Variants in ZNF236 observed in about 807,000 individuals in gnomAD.
ZNF236 encodes zinc finger protein 236, also known as regulated by glucose.
A neutral mutation model predicts 191.2 loss-of-function variants in ZNF236; 50 were observed. The observed-to-expected ratio is 0.26, with a 90% CI of 0.21 to 0.33. The LOEUF (loss-of-function observed/expected upper bound fraction) is 0.33, where lower values mean the gene tolerates loss of function less well. Among genes scored for constraint, ZNF236 ranks in the 10% least tolerant of loss-of-function variants. ZNF236 has a pLI of 1.00. For missense variants in ZNF236, 1,754 were observed against 2,374.5 expected (o/e 0.74, Z 5.43); for synonymous variants, 907 against 928.8 (o/e 0.98, Z 0.43).
chr18:76,845,936 G>A (rs1047225571), intron 1 of ZNF236, among the ~76,000 whole-genome samples: 4 of 152,086 alleles, frequency 2.6e-5, no homozygotes, highest in Non-Finnish European at 5.9e-5. Flanking sequence ...TTGATCACTG[G>A]TCCCCTAATG....
At chr18:76,838,189 A>G (rs1486115647) in intron 1 of ZNF236, among the ~76,000 whole-genome samples, 1 of 152,240 alleles carries the variant, frequency 6.6e-6, no homozygotes, top group Non-Finnish European at 1.5e-5. Flanking sequence ...TCTTGGGCAC[A>G]GAAGTCAGAA....
intron 13 of ZNF236, among the ~76,000 whole-genome samples, chr18:76,907,618 G>A (rs114579962): frequency 0.024 from 3,722 of 152,154 alleles, 165 homozygotes; most frequent in African/African-American, 0.084. Flanking sequence ...TGTGAGCTGC[G>A]CGCCTGGCCG....
rs757434534 is a variant in ZNF236 at position 76,927,375 on chromosome 18, C to G, written c.4272C>G (p.Leu1424=). 3 of 1,614,214 alleles carry G rather than the reference C, an allele frequency of 1.9e-6. No individual in the cohort carries two copies. Among genetic ancestry groups the G allele is most frequent in the Non-Finnish European group, 2.5e-6 (3 of 1,180,044 alleles). The part of the protein sequence containing the change: ...EPGLAPQNSS[L]QTSDSTVPAS... ...GCCTGGCCCCACAGAACAGCTCTCT[C>G]CAGACATCGGACAGCACGGTCCCTG... The change falls in exon 24 of 31, where the codon CTC becomes CTG. Residue 1424 remains leucine (L), a synonymous_variant. Coordinates refer to ENST00000320610, the MANE Select transcript of ZNF236 (RefSeq NM_001306089.2). The surrounding 1 kb of genome is among the most constrained non-coding windows in gnomAD (Gnocchi z 5.4).
At chr18:76,964,774 G>A (rs1341562630) in intron 30 of ZNF236, among the ~76,000 whole-genome samples, 1 of 152,054 alleles carries the variant, frequency 6.6e-6, no homozygotes, top group Non-Finnish European at 1.5e-5. Flanking sequence ...TTAGGATTGT[G>A]GTATTTTCCT....
Position 76,939,021 on chromosome 18 carries a change from T to C in ZNF236, c.4782+1678T>C, listed in dbSNP as rs909538239. Among the ~76,000 whole-genome samples, 15 of 152,296 alleles carry C rather than the reference T, an allele frequency of 9.8e-5. 1 individual carries two copies. Among genetic ancestry groups the C allele is most frequent in the Middle Eastern group, 6.8e-3 (2 of 294 alleles). ...TTCTAAATGTTAGCAATTCGTATCA[T>C]GTTTTAAAATTGTAGTTGGAACAAA... On this transcript the variant is annotated intron_variant, in intron 26 of 30. Transcript: ENST00000320610.
At chr18:76,924,706 A>T (rs1205345575) in intron 21 of ZNF236, among the ~76,000 whole-genome samples, 8 of 152,250 alleles carry the variant, frequency 5.3e-5, no homozygotes, top group African/African-American at 1.9e-4. Context: ...ACCCTAGCAT[A>T]GAACTTTCCT....
In ZNF236 at chr18:76,843,960, A is replaced by C. The variant is rs565948970; in HGVS notation, c.56-5566A>C. 1.4e-4 allele frequency among the ~76,000 whole-genome samples: 21 copies of C among 151,600 alleles called. 1 individual carries two copies. The highest frequency in any genetic ancestry group is 3.9e-4 in the African/African-American group (16 of 41,352). ...GGAAGAAGGTAGAAGGGAGTTTTAA[A>C]TTAAAGAAGAGGCCGGGTGCAGTGT... On this transcript the variant is annotated intron_variant, in intron 1 of 30. Coordinates refer to ENST00000320610, the MANE Select transcript of ZNF236 (RefSeq NM_001306089.2).
At chr18:76,864,582 G>C (rs919867810) in intron 3 of ZNF236, among the ~76,000 whole-genome samples, 1 of 151,708 alleles carries the variant, frequency 6.6e-6, no homozygotes, top group Non-Finnish European at 1.5e-5. Context: ...AAAAGAATAA[G>C]TAAGAATACA....
At position 76,880,249 on chromosome 18, in the gene ZNF236, C is replaced by T. The variant is rs754146907; in HGVS notation, c.1121C>T (p.Ser374Leu). ...CTCTCAGAGCCGGCGCCGGTGGAGT[C>T]GGGGCAGTCCCCGCAGCCTGGGCAG... ...LELSEPAPVESGQSPQPGQQL... is the reference protein window; with the variant it reads ...LELSEPAPVELGQSPQPGQQL... The change falls in exon 8 of 31, where the codon TCG becomes TTG. Residue 374 changes from serine (S) to leucine (L), a missense_variant. Coordinates refer to ENST00000320610, the MANE Select transcript of ZNF236 (RefSeq NM_001306089.2). This position sits in a 1 kb window ranked among gnomAD's most constrained non-coding sequence, Gnocchi z 5.0. 87 of 1,614,004 alleles carry T rather than the reference C, an allele frequency of 5.4e-5. No homozygotes were observed. Among genetic ancestry groups the T allele is most frequent in the Middle Eastern group, 1.6e-4 (1 of 6,062 alleles).
chr18:76,871,657 G>A, intron 4 of ZNF236, 44 bp from the exon 5 acceptor site: 9 of 1,609,774 alleles, frequency 5.6e-6, no homozygotes, highest in Non-Finnish European at 7.6e-6. Context: ...TATGGTACAA[G>A]GGAGACATCT....
chr18:76,890,196 A>G (rs1376502976), intron 9 of ZNF236, among the ~76,000 whole-genome samples: 2 of 152,154 alleles, frequency 1.3e-5, no homozygotes, highest in African/African-American at 4.8e-5. Flanking sequence ...AAATGTTAAC[A>G]TTTTACTACA....
chr18:76,965,541 C>T (rs1315887949), intron 30 of ZNF236, among the ~76,000 whole-genome samples: 2 of 152,154 alleles, frequency 1.3e-5, no homozygotes, highest in Admixed American at 1.3e-4. Context: ...GGTCTAGGGC[C>T]GAAGGCTGTT....
At chr18:76,867,239 T>A (rs1976444998) in intron 3 of ZNF236, among the ~76,000 whole-genome samples, 1 of 151,324 alleles carries the variant, frequency 6.6e-6, no homozygotes, top group South Asian at 2.1e-4. Context: ...TTTTTTTTTT[T>A]TTAAGAGCTG....
At chr18:76,854,740 A>T (rs557961937) in intron 3 of ZNF236, among the ~76,000 whole-genome samples, 3 of 152,140 alleles carry the variant, frequency 2.0e-5, no homozygotes, top group Non-Finnish European at 4.4e-5. Flanking sequence ...TTTCCTTAGG[A>T]TGGATTCCTA....
intron 1 of ZNF236, among the ~76,000 whole-genome samples, chr18:76,846,199 G>A (rs1457499188): frequency 1.3e-5 from 2 of 152,156 alleles, no homozygotes; most frequent in Non-Finnish European, 1.5e-5. Context: ...CAGTTCTTCT[G>A]CCTCCACCTT....
intron 9 of ZNF236, among the ~76,000 whole-genome samples, chr18:76,884,126 G>A (rs1259170030): frequency 6.6e-6 from 1 of 152,170 alleles, no homozygotes; most frequent in Non-Finnish European, 1.5e-5. Context: ...TTATGACCAG[G>A]TGCAGTGGCT....
chr18:76,868,778 C>T lies in ZNF236; in HGVS notation c.457C>T (p.Arg153Trp), dbSNP rs375463473. Residue 153 changes from arginine (R) to tryptophan (W), a missense_variant, in exon 4 of 31, where the codon CGG becomes TGG. Physicochemically the swap from Arg to Trp is moderately radical, Grantham distance 101 (BLOSUM62 -3). Around this residue, in one of 5 missense-constraint regions of ZNF236, gnomAD observed 336 missense variants for 495.1 expected, o/e 0.68. Coordinates refer to ENST00000320610, the MANE Select transcript of ZNF236 (RefSeq NM_001306089.2). ...EEHRQELAGT[R>W]QHACKACKKE... ...GCACCGCCAGGAGCTGGCTGGAACC[C>T]GGCAGCATGCCTGCAAGGCCTGCAA... 16 of 1,613,914 alleles carry T rather than the reference C, an allele frequency of 9.9e-6. No individual in the cohort carries two copies. The highest frequency in any genetic ancestry group is 1.7e-4 in the Middle Eastern group (1 of 6,058).
chr18:76,877,771 A>G (rs1045938177), intron 6 of ZNF236, among the ~76,000 whole-genome samples: 3 of 152,212 alleles, frequency 2.0e-5, no homozygotes, highest in Non-Finnish European at 4.4e-5. Context: ...ACTCTTGAAT[A>G]ATTTCTATTT....
At position 76,908,636 on chromosome 18, in the gene ZNF236, C is replaced by T. The variant is rs1184138368; in HGVS notation, c.2551+63C>T. 13 of 1,541,324 alleles carry T rather than the reference C, an allele frequency of 8.4e-6. No homozygotes were observed. In the East Asian group the frequency reaches 2.7e-4, roughly 32 times the overall value. On this transcript the variant is annotated intron_variant, in intron 14 of 30. Transcript: ENST00000320610. Reference sequence around the variant, plus strand: ...GCAGAGTTTTGCAGCCTTTCCCACTCATTGCAGTCCATTGGTGTCTCCCAT... The same window carrying T: ...GCAGAGTTTTGCAGCCTTTCCCACTTATTGCAGTCCATTGGTGTCTCCCAT...
Sources: gnomAD v4.1 joint callset for allele counts (sites outside exome capture counted in the v4.1 genomes callset) on GRCh38, gnomAD v4.1.1 for gene constraint, gnomAD v4.1.1 regional missense constraint, Gnocchi (gnomAD v3.1) non-coding constraint, MANE v1.5 for transcripts, NCBI Gene and HGNC (gene_info 2026-07-23, HGNC 2026-07-21) for gene names.